ITPR3: variants seen among roughly 807,000 people sequenced by gnomAD.
ITPR3 encodes inositol 1,4,5-trisphosphate receptor type 3, also known as inositol 1,4,5-trisphosphate-gated calcium channel ITPR3.
In ITPR3, 173 loss-of-function variants were observed where a neutral mutation model predicts 293.2. The ratio of observed to expected loss-of-function variants is 0.59; its 90% confidence interval spans 0.52 to 0.67. The LOEUF (loss-of-function observed/expected upper bound fraction) is 0.67. Ranked by LOEUF, ITPR3 falls within the 30% of genes least tolerant of loss-of-function variation. The probability of loss-of-function intolerance (pLI) is 0.00; values close to 1 mark genes in which losing one functional copy is unlikely to be tolerated. For missense variants in ITPR3, 2,796 were observed against 3,592.1 expected (o/e 0.78, Z 5.66); for synonymous variants, 1,295 against 1,444.4 (o/e 0.90, Z 2.35).
intron 8 of ITPR3, 32 bp from the exon 9 acceptor site, chr6:33,662,879 C>G (rs1297257064): frequency 6.4e-7 from 1 of 1,561,588 alleles, no homozygotes; most frequent in African/African-American, 1.4e-5. Flanking sequence ...TGTCCAGTCT[C>G]TCCTTCCTGC....
Position 33,658,958 on chromosome 6 carries a change from T to A in ITPR3, c.529-63T>A. The A allele has an allele frequency of 6.2e-7, 1 of 1,601,782 alleles. No homozygotes were observed. ...GGCAGACTGAGACCAAAGGGAGGCC[T>A]GGAGGCGTGGTGACAAGAGGGCCCT... On this transcript the variant is annotated intron_variant, in intron 5 of 57. Coordinates refer to ENST00000605930, the MANE Select transcript of ITPR3 (RefSeq NM_002224.4). The surrounding 1 kb of genome is among the most constrained non-coding windows in gnomAD (Gnocchi z 6.1).
In ITPR3 at chr6:33,678,750, C is replaced by T. The variant is rs1362217571; in HGVS notation, c.3883C>T (p.Arg1295Cys). The T allele has an allele frequency of 5.6e-6, 9 of 1,613,362 alleles. No homozygotes were observed. The highest frequency in any genetic ancestry group is 1.3e-5 in the African/African-American group (1 of 74,916). ...CGTGCACCTGCTGGCCACGCACGGG[C>T]GCCATGTGCAGTACCTGGACTTCCT... is the stretch of plus-strand genomic sequence containing the variant. The part of the protein sequence containing the change: ...HFVHLLATHG[R>C]HVQYLDFLHT... Residue 1295 changes from arginine (R) to cysteine (C), a missense_variant, in exon 30 of 58, where the codon CGC (arginine) becomes TGC (cysteine). This residue lies in a region of ITPR3 where 344 missense variants were observed against 460.3 expected (regional missense o/e 0.75). Transcript: ENST00000605930.
intron 7 of ITPR3, 61 bp from the exon 8 acceptor site, chr6:33,662,467 G>A: frequency 3.9e-6 from 6 of 1,523,882 alleles, no homozygotes; most frequent in Admixed American, 2.0e-5. Flanking sequence ...GCTGGGCCCT[G>A]GGTGGGTCCT....
intron 50 of ITPR3, 94 bp from the exon 51 acceptor site, chr6:33,689,940 C>T: frequency 6.9e-7 from 1 of 1,439,514 alleles, no homozygotes; most frequent in Non-Finnish European, 9.6e-7. Context: ...TAATGCCATG[C>T]CTCCCAGGCT....
intron 25 of ITPR3, among the ~76,000 whole-genome samples, chr6:33,676,403 C>T (rs1764907351): frequency 6.6e-6 from 1 of 152,194 alleles, no homozygotes; most frequent in Admixed American, 6.5e-5. Context: ...TGGTGGCAGT[C>T]AGACGCAGGC....
Position 33,687,694 on chromosome 6 carries a change from C to T in ITPR3, c.6264+130C>T, listed in dbSNP as rs553663578. ...GCCAGGCTAGAATTTGGGGGTACAG[C>T]TCAGGGGGCTGATTGGGACTGGCAG... On this transcript the variant is annotated intron_variant, in intron 46 of 57. Transcript: ENST00000605930. The surrounding 1 kb of genome is among the most constrained non-coding windows in gnomAD (Gnocchi z 5.3). The T allele has an allele frequency of 3.1e-4, 228 of 737,552 alleles. No individual in the cohort carries two copies. The highest frequency in any genetic ancestry group is 2.1e-3 in the Admixed American group (84 of 39,854). 45.7% of individuals were successfully genotyped at this position (737,552 alleles called of 1,614,324 possible).
rs1764696532 is a variant in ITPR3 at position 33,669,292 on chromosome 6, G to T, written c.2189+136G>T. 8 of 853,454 alleles carry T rather than the reference G, an allele frequency of 9.4e-6. No homozygotes were observed. The East Asian group carries it at 2.1e-4, about 23-fold the overall frequency. The allele number at this position is 853,454 out of a possible 1,614,324, so 52.9% of individuals were successfully genotyped here. A position where few individuals can be genotyped will look rare whatever the true frequency, so the allele number is the denominator to read the frequency against. On this transcript the variant is annotated intron_variant, in intron 18 of 57. Transcript: ENST00000605930. ...CTGCCTCCTCAGAAGCGGAGTCCCT[G>T]CTGTCACTCCCCTGCCACGAAGCCT...
intron 13 of ITPR3, among the ~76,000 whole-genome samples, chr6:33,665,624 T>G (rs974725890): frequency 6.6e-6 from 1 of 151,878 alleles, no homozygotes; most frequent in African/African-American, 2.4e-5. Flanking sequence ...TGGGGCCACT[T>G]TGGAATCCAG....
chr6:33,689,179 C>T (rs1765321802), intron 49 of ITPR3, 59 bp from the exon 50 acceptor site: 2 of 1,579,982 alleles, frequency 1.3e-6, no homozygotes, highest in Non-Finnish European at 8.6e-7. Context: ...CCTGTTGGAC[C>T]TGCTCTGGGG....
Position 33,654,627 on chromosome 6 carries a change from G to C in ITPR3, c.161-1139G>C, listed in dbSNP as rs924539500. ...GGGAACAGGAAAGGACCTGAAGAAG[G>C]GGTTTTGTTTCTGGGACCCTCGAGT... On this transcript the variant is annotated intron_variant, in intron 2 of 57. Transcript: ENST00000605930. The surrounding 1 kb of genome is among the most constrained non-coding windows in gnomAD (Gnocchi z 4.1). 6.6e-6 allele frequency among the ~76,000 whole-genome samples: 1 copy of C among 152,188 alleles called. No individual in the cohort carries two copies. Among genetic ancestry groups the C allele is most frequent in the Non-Finnish European group, 1.5e-5 (1 of 68,042 alleles).
chr6:33,647,027 G>GTTAT (rs1466796627), intron 2 of ITPR3, among the ~76,000 whole-genome samples: 3 of 152,016 alleles, frequency 2.0e-5, no homozygotes, highest in Non-Finnish European at 4.4e-5. Flanking sequence ...ATTAAAAAAG[G>GTTAT]TTATTTATTT....
In ITPR3 at chr6:33,678,517, C is replaced by T; in HGVS notation, c.3745C>T (p.His1249Tyr). The T allele has an allele frequency of 5.0e-6, 8 of 1,613,220 alleles. No homozygotes were observed. The highest frequency in any genetic ancestry group is 6.8e-6 in the Non-Finnish European group (8 of 1,179,934). The change falls in exon 29 of 58, where the codon CAC (histidine) becomes TAC (tyrosine). Residue 1249 changes from histidine to tyrosine, a missense_variant. By Grantham distance (83) the His-to-Tyr change is moderately conservative. Around this residue, in one of 8 missense-constraint regions of ITPR3, gnomAD observed 344 missense variants for 460.3 expected, o/e 0.75. Transcript: ENST00000605930. ...NPGNQALLHK[H>Y]LHLFLTPGLL... ...CGGCAACCAGGCCCTGCTGCACAAACACCTGCACCTCTTCCTCACGCCAGG... is the reference window on the plus strand; with the variant it reads ...CGGCAACCAGGCCCTGCTGCACAAATACCTGCACCTCTTCCTCACGCCAGG...
In ITPR3 at chr6:33,631,879, C is replaced by T. The variant is rs546436928; in HGVS notation, c.90-8605C>T. ...CTTCCAGGTCACTTCTCACAATGTC[C>T]CTTCAGCACCTGACCCTATACCCAC... On this transcript the variant is annotated intron_variant, in intron 1 of 57. Coordinates refer to ENST00000605930, the MANE Select transcript of ITPR3 (RefSeq NM_002224.4). Among the ~76,000 whole-genome samples, 6 of 152,320 alleles carry T rather than the reference C, an allele frequency of 3.9e-5. No homozygotes were observed. The South Asian group carries it at 1.2e-3, about 32-fold the overall frequency.
At chr6:33,630,771 C>T (rs1395290118) in intron 1 of ITPR3, among the ~76,000 whole-genome samples, 1 of 152,180 alleles carries the variant, frequency 6.6e-6, no homozygotes, top group East Asian at 1.9e-4. Flanking sequence ...TCTGCGTGTG[C>T]GGCTTATTGT....
chr6:33,684,275 G>A lies in ITPR3; in HGVS notation c.4938-82G>A, dbSNP rs1765163134. On this transcript the variant is annotated intron_variant, in intron 36 of 57. Transcript: ENST00000605930. This position sits in a 1 kb window ranked among gnomAD's most constrained non-coding sequence, Gnocchi z 4.2. ...TCACTGGGTCAGAGGGCCTGGGGGT[G>A]TTCCTGCCTGGGATGGGGTGGGGAA... The A allele has an allele frequency of 3.1e-6, 5 of 1,593,390 alleles. No individual in the cohort carries two copies. Among genetic ancestry groups the A allele is most frequent in the South Asian group, 2.2e-5 (2 of 90,570 alleles).
Position 33,692,918 on chromosome 6 carries a change from G to A in ITPR3, c.7624+25G>A. On this transcript the variant is annotated intron_variant, in intron 55 of 57. Coordinates refer to ENST00000605930, the MANE Select transcript of ITPR3 (RefSeq NM_002224.4). This position sits in a 1 kb window ranked among gnomAD's most constrained non-coding sequence, Gnocchi z 4.2. The stretch of plus-strand genomic sequence containing the variant: ...GGTGAGGGCTGCTTCCTGCTCTGTG[G>A]AGGCCGCAGCGGGGCTGGAACGTCA... 6.2e-7 allele frequency: 1 copy of A among 1,611,626 alleles called. No homozygotes were observed. The highest frequency in any genetic ancestry group is 8.5e-7 in the Non-Finnish European group (1 of 1,178,418).
In ITPR3 at chr6:33,665,194, A is replaced by C; in HGVS notation, c.1390A>C (p.Ile464Leu). 1 of 1,613,970 alleles carries C rather than the reference A, an allele frequency of 6.2e-7. No individual in the cohort carries two copies. The highest frequency in any genetic ancestry group is 8.5e-7 in the Non-Finnish European group (1 of 1,179,870). The change falls in exon 13 of 58, where the codon ATC becomes CTC. Residue 464 changes from isoleucine (I) to leucine (L), a missense_variant. By Grantham distance (5) the Ile-to-Leu change is conservative. This residue lies in a region of ITPR3 where 955 missense variants were observed against 1,180.8 expected (regional missense o/e 0.81). Coordinates refer to ENST00000605930, the MANE Select transcript of ITPR3 (RefSeq NM_002224.4). Reference sequence around the variant, plus strand: ...CGTGGAGAAACTCAACGAGGGCTTCATCAGCCAGAATGACCGCAGGTGGGC... The same window carrying C: ...CGTGGAGAAACTCAACGAGGGCTTCCTCAGCCAGAATGACCGCAGGTGGGC... The part of the protein sequence containing the change: ...SAVEKLNEGF[I>L]SQNDRRFVIQ...
intron 18 of ITPR3, among the ~76,000 whole-genome samples, chr6:33,669,616 A>G (rs987103093): frequency 3.3e-5 from 5 of 152,210 alleles, no homozygotes; most frequent in Admixed American, 2.6e-4. Context: ...AATCATCATC[A>G]TAATAATCTC....
chr6:33,684,065 G>A lies in ITPR3; in HGVS notation c.4834G>A (p.Ala1612Thr), dbSNP rs758866771. ...GGAGCGGCTGAAGCCCCTGGTACAGGCTGAGCTGTCCGTGCTGGTGGATGT... is the reference window on the plus strand; with the variant it reads ...GGAGCGGCTGAAGCCCCTGGTACAGACTGAGCTGTCCGTGCTGGTGGATGT... The part of the protein sequence containing the change: ...LEERLKPLVQ[A>T]ELSVLVDVLH... The change falls in exon 36 of 58, where the codon GCT (alanine) becomes ACT (threonine). Residue 1612 changes from alanine to threonine, a missense_variant. By Grantham distance (58) the Ala-to-Thr change is moderately conservative. Around this residue, in one of 8 missense-constraint regions of ITPR3, gnomAD observed 704 missense variants for 797.5 expected, o/e 0.88. Transcript: ENST00000605930. The surrounding 1 kb of genome is among the most constrained non-coding windows in gnomAD (Gnocchi z 4.2). 1.1e-5 allele frequency: 17 copies of A among 1,611,508 alleles called. No individual in the cohort carries two copies. The highest frequency in any genetic ancestry group is 1.4e-5 in the Non-Finnish European group (17 of 1,179,962).
Sources: gnomAD v4.1 joint callset for allele counts (sites outside exome capture counted in the v4.1 genomes callset) on GRCh38, gnomAD v4.1.1 for gene constraint, gnomAD v4.1.1 regional missense constraint, Gnocchi (gnomAD v3.1) non-coding constraint, MANE v1.5 for transcripts, NCBI Gene and HGNC (gene_info 2026-07-23, HGNC 2026-07-21) for gene names.